NUP37: variants seen among roughly 807,000 people sequenced by gnomAD.
The protein encoded by NUP37 is nucleoporin 37, also known as nucleoporin Nup37.
In NUP37, 33 loss-of-function variants were observed where a neutral mutation model predicts 45.4. That is an observed-to-expected ratio of 0.73 (90% CI 0.55 to 0.97). The LOEUF (loss-of-function observed/expected upper bound fraction) is 0.97, where lower values mean the gene tolerates loss of function less well. NUP37 is among the 50% of genes least tolerant of loss of function. The pLI, the probability that NUP37 is intolerant of heterozygous loss-of-function variation, is 0.00. For missense variants in NUP37, 365 were observed against 389.7 expected (o/e 0.94, Z 0.53); for synonymous variants, 127 against 130.7 (o/e 0.97, Z 0.19).
At chr12:102,115,950 GACTT>G (rs756768639) in intron 2 of NUP37, 32 of 197,946 alleles carry the variant, frequency 1.6e-4, no homozygotes, top group South Asian at 1.1e-3. Flanking sequence ...TTTTGAAATG[GACTT>G]ACTTAATTGT....
chr12:102,098,234 TTG>T (rs1449636698), intron 5 of NUP37, among the ~76,000 whole-genome samples: 1 of 152,190 alleles, frequency 6.6e-6, no homozygotes, highest in African/African-American at 2.4e-5. Flanking sequence ...TGTTCTTTAT[TTG>T]TGATATTCTC....
At chr12:102,076,090 T>C (rs552172045) in intron 8 of NUP37, among the ~76,000 whole-genome samples, 2 of 152,144 alleles carry the variant, frequency 1.3e-5, no homozygotes, top group Admixed American at 6.6e-5. Flanking sequence ...ATAAGTACCA[T>C]AGCTCATTGA....
At chr12:102,116,236 C>T (rs1023110054) in intron 2 of NUP37, among the ~76,000 whole-genome samples, 1 of 152,166 alleles carries the variant, frequency 6.6e-6, no homozygotes, top group African/African-American at 2.4e-5. Context: ...TCTCCACTGA[C>T]TTTCTCCCTC....
At chr12:102,079,657 G>A (rs1180523287) in intron 6 of NUP37, among the ~76,000 whole-genome samples, 2 of 152,010 alleles carry the variant, frequency 1.3e-5, no homozygotes, top group Non-Finnish European at 2.9e-5. Context: ...TTCTTCATAA[G>A]GCACATCACA....
At chr12:102,116,370 CTT>C (rs1555207369) in intron 2 of NUP37, among the ~76,000 whole-genome samples, 1 of 152,166 alleles carries the variant, frequency 6.6e-6, no homozygotes, top group Non-Finnish European at 1.5e-5. Flanking sequence ...CTGCTTTACT[CTT>C]TTGTACATTG....
chr12:102,108,681 C>G (rs997359435), intron 3 of NUP37, among the ~76,000 whole-genome samples: 6 of 152,132 alleles, frequency 3.9e-5, no homozygotes, highest in Non-Finnish European at 8.8e-5. Flanking sequence ...TAAAACAAAG[C>G]TTATTCTACC....
At chr12:102,107,394 C>T (rs529785877) in intron 3 of NUP37, among the ~76,000 whole-genome samples, 2 of 152,174 alleles carry the variant, frequency 1.3e-5, no homozygotes, top group African/African-American at 4.8e-5. Flanking sequence ...AGTCTATCTC[C>T]CCAACCATTC....
intron 8 of NUP37, among the ~76,000 whole-genome samples, chr12:102,075,436 T>C (rs1879141729): frequency 6.6e-6 from 1 of 152,038 alleles, no homozygotes; most frequent in Non-Finnish European, 1.5e-5. Context: ...CCTGCCTTGG[T>C]CTCCTGAAGT....
At chr12:102,111,043 A>T (rs1393075135) in intron 3 of NUP37, among the ~76,000 whole-genome samples, 1 of 152,210 alleles carries the variant, frequency 6.6e-6, no homozygotes, top group Non-Finnish European at 1.5e-5. Context: ...TAATAACTAA[A>T]GCCTAGAAAC....
intron 2 of NUP37, among the ~76,000 whole-genome samples, chr12:102,113,578 T>C (rs981871730): frequency 6.6e-6 from 1 of 152,194 alleles, no homozygotes; most frequent in African/African-American, 2.4e-5. Flanking sequence ...ATCATCCTTC[T>C]GTTATTTAAA....
chr12:102,081,506 T>C (rs763013349), intron 6 of NUP37, among the ~76,000 whole-genome samples: 19 of 152,192 alleles, frequency 1.2e-4, no homozygotes, highest in South Asian at 8.3e-4. Context: ...TTGAACCAGA[T>C]TGAGTTCAAA....
At chr12:102,101,135 T>G (rs1292908209) in intron 3 of NUP37, 31 bp from the exon 4 acceptor site, 1 of 1,393,514 alleles carries the variant, frequency 7.2e-7, no homozygotes. Context: ...ATATACCAAT[T>G]TTTAGCCTTT....
intron 2 of NUP37, among the ~76,000 whole-genome samples, chr12:102,112,830 G>A (rs369315924): frequency 6.6e-6 from 1 of 152,254 alleles, no homozygotes; most frequent in East Asian, 1.9e-4. Context: ...TTCATGTAGT[G>A]TTACATGTGG....
chr12:102,114,116 A>G (rs1880393596), intron 2 of NUP37, among the ~76,000 whole-genome samples: 1 of 152,256 alleles, frequency 6.6e-6, no homozygotes, highest in South Asian at 2.1e-4. Flanking sequence ...CAGATATGCC[A>G]AGACAGCAGC....
chr12:102,079,301 A>G, intron 6 of NUP37: 1 of 451,080 alleles, frequency 2.2e-6, no homozygotes, highest in Non-Finnish European at 4.4e-6. Context: ...GTACTTTTGT[A>G]CTTTCCTAAA....
intron 5 of NUP37, among the ~76,000 whole-genome samples, chr12:102,091,384 TGA>T (rs1267981490): frequency 9.3e-6 from 1 of 106,960 alleles, no homozygotes; most frequent in East Asian, 3.0e-4. Flanking sequence ...GGAAACAGAG[TGA>T]GAGACTCCGT....
intron 5 of NUP37, among the ~76,000 whole-genome samples, chr12:102,091,516 A>G (rs1002117769): frequency 3.3e-5 from 5 of 152,078 alleles, no homozygotes; most frequent in African/African-American, 1.2e-4. Context: ...AAAGCATAAA[A>G]GTATAGAATA....
chr12:102,081,828 G>A (rs375479938), intron 6 of NUP37, among the ~76,000 whole-genome samples: 26 of 151,960 alleles, frequency 1.7e-4, no homozygotes, highest in African/African-American at 5.1e-4. Context: ...AGAGTAGCTG[G>A]GACTACGGTC....
At chr12:102,106,878 C>G (rs1361279497) in intron 3 of NUP37, among the ~76,000 whole-genome samples, 1 of 152,116 alleles carries the variant, frequency 6.6e-6, no homozygotes, top group African/African-American at 2.4e-5. Flanking sequence ...CCTCTGAGTT[C>G]CTTTCTCAGG....
Sources: allele counts gnomAD v4.1 joint callset (sites outside exome capture counted in the v4.1 genomes callset), GRCh38; gene constraint gnomAD v4.1.1; transcripts MANE v1.5; gene names NCBI Gene and HGNC (gene_info 2026-07-23, HGNC 2026-07-21).